CMSS1: variants seen among roughly 807,000 people sequenced by gnomAD.
CMSS1 encodes the protein protein CMSS1.
Under a neutral mutation model 43.5 loss-of-function variants are expected in CMSS1, and 33 were observed. That is an observed-to-expected ratio of 0.76 (90% CI 0.57 to 1.01). CMSS1 has a LOEUF of 1.01. CMSS1 is among the 50% of genes least tolerant of loss of function. CMSS1 has a pLI of 0.00. For synonymous variants in CMSS1, 115 were observed against 117.2 expected (o/e 0.98, Z 0.12); for missense variants, 313 against 326.4 (o/e 0.96, Z 0.32).
At chr3:99,964,123 C>G (rs1708575050) in intron 1 of CMSS1, among the ~76,000 whole-genome samples, 1 of 151,664 alleles carries the variant, frequency 6.6e-6, no homozygotes, top group Admixed American at 6.6e-5. Flanking sequence ...GCAGATTTAC[C>G]CTATAGACTT....
At chr3:99,948,385 A>C (rs1708074188) in intron 1 of CMSS1, among the ~76,000 whole-genome samples, 1 of 151,928 alleles carries the variant, frequency 6.6e-6, no homozygotes, top group African/African-American at 2.4e-5. Context: ...AGAAAGAAAA[A>C]AAATTAGCTC....
intron 9 of CMSS1, among the ~76,000 whole-genome samples, chr3:100,177,721 C>T (rs2067159271): frequency 3.3e-5 from 5 of 152,208 alleles, no homozygotes; most frequent in African/African-American, 1.2e-4. Flanking sequence ...GCAGTGCACA[C>T]CTGTAATCCT....
At chr3:100,094,278 G>T (rs1252389941) in intron 1 of CMSS1, among the ~76,000 whole-genome samples, 2 of 151,856 alleles carry the variant, frequency 1.3e-5, no homozygotes, top group African/African-American at 4.8e-5. Context: ...TGAATTGATT[G>T]GATTGTTCTT....
At position 100,157,717 on chromosome 3, in the gene CMSS1, A is replaced by G. The variant is rs9852848; in HGVS notation, c.154-2713A>G. Among the ~76,000 whole-genome samples, 472 of 152,264 alleles carry G rather than the reference A, an allele frequency of 3.1e-3. 2 individuals carry two copies. Among genetic ancestry groups the G allele is most frequent in the African/African-American group, 0.011 (440 of 41,564 alleles). ...CCCTGGCCCAGCCTTGATCCTCTTG[A>G]TGTCTTCAGAGAATAGATCTCCAGT... On this transcript the variant is annotated intron_variant, in intron 2 of 9. Transcript: ENST00000421999.
intron 1 of CMSS1, among the ~76,000 whole-genome samples, chr3:100,010,716 G>A (rs1710123422): frequency 1.4e-5 from 2 of 143,646 alleles, no homozygotes; most frequent in South Asian, 4.6e-4. Flanking sequence ...CCGGGTTCAA[G>A]CAGTTCTCCT....
intron 1 of CMSS1, among the ~76,000 whole-genome samples, chr3:100,033,489 A>C (rs1489899917): frequency 6.6e-6 from 1 of 152,166 alleles, no homozygotes; most frequent in East Asian, 1.9e-4. Context: ...AACATTGTAA[A>C]ACTTAAGCAA....
At chr3:99,955,084 G>A (rs886834785) in intron 1 of CMSS1, among the ~76,000 whole-genome samples, 8 of 152,164 alleles carry the variant, frequency 5.3e-5, no homozygotes, top group Admixed American at 4.6e-4. Context: ...CAAGTGCTGG[G>A]TAATTTGTCT....
chr3:99,955,563 T>C (rs748564659), intron 1 of CMSS1, among the ~76,000 whole-genome samples: 1 of 152,182 alleles, frequency 6.6e-6, no homozygotes, highest in Non-Finnish European at 1.5e-5. Flanking sequence ...TAACAAGATA[T>C]ACAGCCAAAG....
At chr3:99,972,317 G>A (rs892664013) in intron 1 of CMSS1, among the ~76,000 whole-genome samples, 5 of 152,182 alleles carry the variant, frequency 3.3e-5, no homozygotes, top group African/African-American at 4.8e-5. Context: ...AGATGCCAGG[G>A]ATTTGCATGT....
chr3:99,938,361 A>G (rs4244711), intron 1 of CMSS1, among the ~76,000 whole-genome samples: 111,824 of 152,168 alleles, frequency 0.73, 41,800 homozygotes, highest in African/African-American at 0.88. Context: ...ATTTAAACTT[A>G]GTGTAGTGGG....
chr3:100,119,741 C>A (rs982675033), intron 1 of CMSS1, among the ~76,000 whole-genome samples: 8 of 152,192 alleles, frequency 5.3e-5, no homozygotes, highest in African/African-American at 1.4e-4. Flanking sequence ...ACCAATTAGT[C>A]ATTTTTCAAT....
chr3:100,117,866 T>TACAC (rs1231970834), intron 1 of CMSS1, among the ~76,000 whole-genome samples: 19 of 140,302 alleles, frequency 1.4e-4, no homozygotes, highest in African/African-American at 3.0e-4. Context: ...TATATATATA[T>TACAC]ATATATATAT....
chr3:99,821,054 C>G (rs1444142417), intron 1 of CMSS1, among the ~76,000 whole-genome samples: 2 of 152,182 alleles, frequency 1.3e-5, no homozygotes, highest in Non-Finnish European at 2.9e-5. Context: ...TAACATCTAT[C>G]TAATGTGCCT....
chr3:100,137,155 A>C (rs2066762707), intron 1 of CMSS1, among the ~76,000 whole-genome samples: 1 of 152,230 alleles, frequency 6.6e-6, no homozygotes, highest in South Asian at 2.1e-4. Context: ...AGCCCTGGCC[A>C]AATAAAACAT....
Position 100,073,571 on chromosome 3 carries a change from AAG to A in CMSS1, c.65-73397_65-73396del, listed in dbSNP as rs144992821. Among the ~76,000 whole-genome samples the A allele has an allele frequency of 1.8e-4, 27 of 152,280 alleles. No individual in the cohort carries two copies. The East Asian group carries it at 5.2e-3, about 29-fold the overall frequency. Reference sequence around the variant, plus strand: ...AATAAGGAACTTGGGTCCAGGATGCAAGAGAGGGAATTCTATGAGTAAATATC... The same window carrying A: ...AATAAGGAACTTGGGTCCAGGATGCAAGAGGGAATTCTATGAGTAAATATC... On this transcript the variant is annotated intron_variant, in intron 1 of 9. Coordinates refer to ENST00000421999, the MANE Select transcript of CMSS1 (RefSeq NM_032359.4).
At chr3:100,120,048 G>A (rs973537405) in intron 1 of CMSS1, among the ~76,000 whole-genome samples, 1 of 152,152 alleles carries the variant, frequency 6.6e-6, no homozygotes, top group African/African-American at 2.4e-5. Flanking sequence ...GATAATAAGA[G>A]GTTAACTTTT....
At chr3:99,975,400 T>C (rs964048036) in intron 1 of CMSS1, among the ~76,000 whole-genome samples, 5 of 152,152 alleles carry the variant, frequency 3.3e-5, no homozygotes, top group Non-Finnish European at 7.3e-5. Flanking sequence ...AAGACCAGCT[T>C]GACCAACATG....
intron 1 of CMSS1, among the ~76,000 whole-genome samples, chr3:99,970,539 A>G (rs1708782514): frequency 6.6e-6 from 1 of 152,194 alleles, no homozygotes; most frequent in African/African-American, 2.4e-5. Flanking sequence ...CTTTCTCTAC[A>G]TTTTGCCTAA....
chr3:99,887,267 CAAA>C (rs879818314), intron 1 of CMSS1, among the ~76,000 whole-genome samples: 6 of 136,628 alleles, frequency 4.4e-5, no homozygotes, highest in Non-Finnish European at 4.8e-5. Flanking sequence ...AACTCCATCT[CAAA>C]AAAAAAAAAA....
Sources: allele counts gnomAD v4.1 joint callset (sites outside exome capture counted in the v4.1 genomes callset), GRCh38; gene constraint gnomAD v4.1.1; transcripts MANE v1.5; gene names NCBI Gene and HGNC (gene_info 2026-07-23, HGNC 2026-07-21).